Variants in OSBPL10 observed in about 807,000 individuals in gnomAD.
OSBPL10 encodes oxysterol binding protein like 10, also known as oxysterol-binding protein-related protein 10.
Under a neutral mutation model 81.7 loss-of-function variants are expected in OSBPL10, and 49 were observed. That is an observed-to-expected ratio of 0.60 (90% CI 0.48 to 0.76). OSBPL10 has a LOEUF of 0.76. Ranked by LOEUF, OSBPL10 falls within the 30% of genes least tolerant of loss-of-function variation. The pLI is 0.00. For missense variants in OSBPL10, 923 were observed against 987.8 expected (o/e 0.93, Z 0.88); for synonymous variants, 419 against 383.6 (o/e 1.09, Z -1.08).
At chr3:31,709,518 A>C (rs975269162) in intron 6 of OSBPL10, among the ~76,000 whole-genome samples, 1 of 152,172 alleles carries the variant, frequency 6.6e-6, no homozygotes, top group African/African-American at 2.4e-5. Context: ...AAATAGCAGC[A>C]TGTCTTTGTC....
intron 1 of OSBPL10, among the ~76,000 whole-genome samples, chr3:31,975,436 A>G (rs1304084507): frequency 1.3e-5 from 2 of 152,204 alleles, no homozygotes; most frequent in Non-Finnish European, 1.5e-5. Flanking sequence ...AAATTCATAT[A>G]TACCCCAGTG....
intron 1 of OSBPL10, among the ~76,000 whole-genome samples, chr3:31,892,079 TTAG>T (rs1695908109): frequency 6.6e-6 from 1 of 152,004 alleles, no homozygotes; most frequent in Non-Finnish European, 1.5e-5. Context: ...AGTGAGTCAA[TTAG>T]TAGAATTTGA....
At chr3:31,949,934 T>A (rs1697822188) in intron 1 of OSBPL10, among the ~76,000 whole-genome samples, 1 of 152,152 alleles carries the variant, frequency 6.6e-6, no homozygotes, top group Non-Finnish European at 1.5e-5. Flanking sequence ...TGAAAAATTT[T>A]AGTTGTCAGT....
chr3:31,798,700 G>A (rs72861318), intron 4 of OSBPL10, among the ~76,000 whole-genome samples: 241 of 152,158 alleles, frequency 1.6e-3, no homozygotes, highest in African/African-American at 5.3e-3. Context: ...TTTGCCTAAT[G>A]CCATACTTAG....
upstream of OSBPL10, among the ~76,000 whole-genome samples, chr3:31,985,384 G>C (rs980276393): frequency 6.6e-6 from 1 of 152,198 alleles, no homozygotes; most frequent in Non-Finnish European, 1.5e-5. Context: ...AGCCATCACA[G>C]ACCATGTAAA....
intron 1 of OSBPL10, among the ~76,000 whole-genome samples, chr3:31,880,284 A>T (rs563754182): frequency 6.6e-6 from 1 of 152,348 alleles, no homozygotes; most frequent in Non-Finnish European, 1.5e-5. Flanking sequence ...TGCCAGTGGC[A>T]TGGGTACCAT....
chr3:32,017,748 T>C (rs962067472), intron 2 of OSBPL10, among the ~76,000 whole-genome samples: 1 of 152,204 alleles, frequency 6.6e-6, no homozygotes, highest in Admixed American at 6.5e-5. Flanking sequence ...TTTTGTCATT[T>C]GCTGAAATAA....
chr3:31,937,505 C>G (rs1383034557), intron 1 of OSBPL10, among the ~76,000 whole-genome samples: 1 of 152,126 alleles, frequency 6.6e-6, no homozygotes, highest in Non-Finnish European at 1.5e-5. Flanking sequence ...AAGACTGGCT[C>G]CTCCTAGCCA....
intron 1 of OSBPL10, among the ~76,000 whole-genome samples, chr3:31,911,304 G>A (rs1181765826): frequency 6.6e-6 from 1 of 152,176 alleles, no homozygotes; most frequent in African/African-American, 2.4e-5. Context: ...GGGCATGACT[G>A]TGTCCCAACG....
intron 1 of OSBPL10, among the ~76,000 whole-genome samples, chr3:31,929,085 G>GTA (rs1263127729): frequency 6.6e-6 from 1 of 152,120 alleles, no homozygotes; most frequent in East Asian, 1.9e-4. Flanking sequence ...CTTTTAGATG[G>GTA]TAGGTCATAC....
At chr3:31,718,190 C>G (rs1244047220) in intron 6 of OSBPL10, 2 of 152,272 alleles carry the variant, frequency 1.3e-5, no homozygotes, top group Non-Finnish European at 2.9e-5. Context: ...TGCAGTGGCG[C>G]GATCTCGGCT....
rs59233088 is a variant in OSBPL10 at position 31,878,815 on chromosome 3, ATGTGTG to A, written c.457+834_457+839del. ...TAAATAATATAGACTCTGCGTGTCC[ATGTGTG>A]TGTGTGTGTGTGTGTGTGTGTGTGT... On this transcript the variant is annotated intron_variant, in intron 2 of 11. Coordinates refer to ENST00000396556, the MANE Select transcript of OSBPL10 (RefSeq NM_017784.5). Among the ~76,000 whole-genome samples the A allele has an allele frequency of 6.1e-3, 834 of 136,438 alleles. 2 individuals carry two copies. The highest frequency in any genetic ancestry group is 0.021 in the African/African-American group (755 of 35,124). 89.5% of individuals were successfully genotyped at this position (136,438 alleles called of 152,430 possible). A position where few individuals can be genotyped will look rare whatever the true frequency, so the allele number is the denominator to read the frequency against.
At chr3:31,945,832 G>A (rs1167156098) in intron 1 of OSBPL10, among the ~76,000 whole-genome samples, 1 of 152,154 alleles carries the variant, frequency 6.6e-6, no homozygotes, top group African/African-American at 2.4e-5. Context: ...TACGAATAAC[G>A]TATCATGCAT....
chr3:32,038,826 T>G (rs1699543741), intron 2 of OSBPL10, among the ~76,000 whole-genome samples: 1 of 152,174 alleles, frequency 6.6e-6, no homozygotes, highest in Admixed American at 6.6e-5. Context: ...GAATTTTAAG[T>G]AGGAAAATTA....
At chr3:31,847,549 TTAAAC>T (rs1284054736) in intron 3 of OSBPL10, among the ~76,000 whole-genome samples, 1 of 152,090 alleles carries the variant, frequency 6.6e-6, no homozygotes, top group Non-Finnish European at 1.5e-5. Context: ...TGTCCTTTCC[TTAAAC>T]TATTCACCGG....
chr3:31,907,813 C>T (rs1696455318), intron 1 of OSBPL10, among the ~76,000 whole-genome samples: 1 of 151,958 alleles, frequency 6.6e-6, no homozygotes, highest in Non-Finnish European at 1.5e-5. Flanking sequence ...GGGAATAGAA[C>T]AATCCGTGAA....
rs187434612 is a variant in OSBPL10, at chr3:31,810,029, G to A, written c.729+20011C>T. ...TGGGATTACAGGCATGTGCCACCAC[G>A]CCCGGCTAATTTCGTATCTTTGATA... On this transcript the variant is annotated intron_variant, in intron 4 of 11. Transcript: ENST00000396556. Among the ~76,000 whole-genome samples the A allele has an allele frequency of 4.5e-4, 68 of 151,834 alleles. 1 individual carries two copies. The East Asian group carries it at 6.0e-3, about 13-fold the overall frequency.
intron 6 of OSBPL10, among the ~76,000 whole-genome samples, chr3:31,719,593 T>C (rs888444161): frequency 6.6e-6 from 1 of 152,152 alleles, no homozygotes; most frequent in Admixed American, 6.5e-5. Context: ...GACAGGATAA[T>C]AGCAACCCTC....
At chr3:31,960,194 T>C (rs760362897) in intron 1 of OSBPL10, 3 of 152,132 alleles carry the variant, frequency 2.0e-5, no homozygotes, top group South Asian at 2.1e-4. Context: ...ATCTGGCAGA[T>C]AGGGAGTCTC....
Sources: gnomAD v4.1 joint callset for allele counts (sites outside exome capture counted in the v4.1 genomes callset) on GRCh38, gnomAD v4.1.1 for gene constraint, MANE v1.5 for transcripts, NCBI Gene and HGNC (gene_info 2026-07-23, HGNC 2026-07-21) for gene names.